PDGFC: variants seen among roughly 807,000 people sequenced by gnomAD.
The protein encoded by PDGFC is platelet-derived growth factor C.
Under a neutral mutation model 35.5 loss-of-function variants are expected in PDGFC, and 12 were observed. The observed-to-expected ratio is 0.34, with a 90% confidence interval of 0.22 to 0.55. PDGFC has a LOEUF of 0.55. Ranked by LOEUF, PDGFC falls within the 20% of genes least tolerant of loss-of-function variation. The pLI is 0.91. For synonymous variants in PDGFC, 159 were observed against 148.8 expected (o/e 1.07, Z -0.50); for missense variants, 322 against 412.4 (o/e 0.78, Z 1.90).
rs1553965210 is a variant in PDGFC, at chr4:156,793,564, A to AT, written c.495+17272_495+17273insA. On this transcript the variant is annotated intron_variant, in intron 3 of 5. Coordinates refer to ENST00000502773, the MANE Select transcript of PDGFC (RefSeq NM_016205.3). ...ATATATATATATATATATATATATA[A>AT]AACACTTTAAAATGTTATATGTGTG... Among the ~76,000 whole-genome samples, 873 of 117,784 alleles carry AT rather than the reference A, an allele frequency of 7.4e-3. 6 individuals are homozygous for AT. The highest frequency in any genetic ancestry group is 0.051 in the South Asian group (181 of 3,546). The allele number at this position is 117,784 out of a possible 152,430, so 77.3% of individuals were successfully genotyped here. A position where few individuals can be genotyped will look rare whatever the true frequency, so the allele number is the denominator to read the frequency against.
rs147882401 is a variant in PDGFC, at chr4:156,940,930, G to A, written c.118+29856C>T. Among the ~76,000 whole-genome samples, 532 of 152,200 alleles carry A rather than the reference G, an allele frequency of 3.5e-3. 4 individuals are homozygous for A. Among genetic ancestry groups the A allele is most frequent in the African/African-American group, 0.012 (500 of 41,556 alleles). ...AATATTTTTTCATAAATATGTTAAT[G>A]TGTTTATCCTTGCCATTTCTAAATG... On this transcript the variant is annotated intron_variant, in intron 1 of 5. Transcript: ENST00000502773.
At chr4:156,880,962 A>T (rs1174000336) in intron 1 of PDGFC, among the ~76,000 whole-genome samples, 1 of 152,224 alleles carries the variant, frequency 6.6e-6, no homozygotes, top group South Asian at 2.1e-4. Flanking sequence ...TTTGAGTATT[A>T]CATAAAGTTA....
chr4:156,878,006 T>C (rs111575656), intron 1 of PDGFC, among the ~76,000 whole-genome samples: 1 of 152,336 alleles, frequency 6.6e-6, no homozygotes, highest in African/African-American at 2.4e-5. Flanking sequence ...TGCTGTTTCT[T>C]GTTTGCCTCC....
Position 156,761,531 on chromosome 4 carries a change from G to A in PDGFC, c.*1559C>T, listed in dbSNP as rs1323260696. ...GTCTTTTGAATTGACATATGCTTTT[G>A]CTAAATGAAAATCATAACAGAAAAT... On this transcript the variant is annotated 3_prime_UTR_variant, in exon 6 of 6. Transcript: ENST00000502773. The A allele has an allele frequency of 2.0e-5, 3 of 152,192 alleles. No individual in the cohort carries two copies. Among genetic ancestry groups the A allele is most frequent in the Non-Finnish European group, 4.4e-5 (3 of 68,020 alleles). The allele number at this position is 152,192 out of a possible 1,614,324, so 9.4% of individuals were successfully genotyped here. A position where few individuals can be genotyped will look rare whatever the true frequency, so the allele number is the denominator to read the frequency against.
intron 1 of PDGFC, among the ~76,000 whole-genome samples, chr4:156,898,924 T>C: frequency 6.6e-6 from 1 of 152,260 alleles, no homozygotes; most frequent in East Asian, 1.9e-4. Context: ...CCCAGTGTGC[T>C]GGGATTACAG....
intron 1 of PDGFC, among the ~76,000 whole-genome samples, chr4:156,928,833 G>T (rs1168173505): frequency 6.6e-6 from 1 of 152,038 alleles, no homozygotes; most frequent in African/African-American, 2.4e-5. Flanking sequence ...TTCTCATATT[G>T]GTTATCCTAA....
At position 156,971,408 on chromosome 4, in the gene PDGFC, G is replaced by GCCCCACC. The variant is rs1309327456; in HGVS notation, c.-512_-506dup. On this transcript the variant is annotated 5_prime_UTR_variant, in exon 1 of 6. Transcript: ENST00000502773. ...GGCTCTCCGGGCGCCCCTCTCCCCC[G>GCCCCACC]CCCCACCCCCCACCCCCGAAGGGGG... 6 of 300,840 alleles carry GCCCCACC rather than the reference G, an allele frequency of 2.0e-5. No individual in the cohort carries two copies. The highest frequency in any genetic ancestry group is 3.6e-5 in the Non-Finnish European group (6 of 166,418). 18.6% of individuals were successfully genotyped at this position (300,840 alleles called of 1,614,324 possible).
chr4:156,800,186 C>A (rs1018282915), intron 3 of PDGFC, among the ~76,000 whole-genome samples: 3 of 151,918 alleles, frequency 2.0e-5, no homozygotes, highest in Non-Finnish European at 4.4e-5. Flanking sequence ...TTTTTAAAAC[C>A]ACCATAAGGC....
intron 3 of PDGFC, among the ~76,000 whole-genome samples, chr4:156,777,166 T>G (rs1384808896): frequency 1.3e-5 from 2 of 152,104 alleles, no homozygotes; most frequent in African/African-American, 4.8e-5. Flanking sequence ...TGAGAGTACA[T>G]GAAGTTTACC....
chr4:156,819,790 G>A (rs561039981), intron 2 of PDGFC, among the ~76,000 whole-genome samples: 1 of 152,194 alleles, frequency 6.6e-6, no homozygotes, highest in African/African-American at 2.4e-5. Flanking sequence ...GGTAATAGCT[G>A]CCATGGATAG....
intron 3 of PDGFC, among the ~76,000 whole-genome samples, chr4:156,785,434 G>A (rs527512700): frequency 1.4e-4 from 22 of 152,136 alleles, no homozygotes; most frequent in South Asian, 4.2e-4. Flanking sequence ...GGCTAGTCTC[G>A]AGCTCCTGAC....
Position 156,816,143 on chromosome 4 carries a change from G to A in PDGFC, c.315-5126C>T, listed in dbSNP as rs1249892222. On this transcript the variant is annotated intron_variant, in intron 2 of 5. Transcript: ENST00000502773. ...GCTTCTTTCAGCAAAAATAAACCAA[G>A]CCTGCAAAACAGGCTGTTTCTAGTT... Among the ~76,000 whole-genome samples, 4 of 152,196 alleles carry A rather than the reference G, an allele frequency of 2.6e-5. No individual in the cohort carries two copies. The East Asian group carries it at 7.7e-4, about 29-fold the overall frequency.
intron 1 of PDGFC, among the ~76,000 whole-genome samples, chr4:156,947,283 C>T (rs1381293381): frequency 6.6e-6 from 1 of 151,948 alleles, no homozygotes; most frequent in African/African-American, 2.4e-5. Flanking sequence ...CTGCAGGTTA[C>T]ACAGAGGGTT....
At chr4:156,850,150 A>T (rs1729418070) in intron 2 of PDGFC, 71 bp downstream of exon 2, 4 of 765,250 alleles carry the variant, frequency 5.2e-6, no homozygotes, top group Non-Finnish European at 6.0e-6. Flanking sequence ...AAATCAGATC[A>T]TCAAAATTAA....
intron 1 of PDGFC, among the ~76,000 whole-genome samples, chr4:156,910,665 T>C (rs1479427419): frequency 2.0e-5 from 3 of 152,168 alleles, no homozygotes; most frequent in Non-Finnish European, 4.4e-5. Flanking sequence ...CAGTGACATA[T>C]GGGAGATCCA....
At chr4:156,913,636 C>T (rs1337034349) in intron 1 of PDGFC, among the ~76,000 whole-genome samples, 2 of 151,922 alleles carry the variant, frequency 1.3e-5, no homozygotes, top group African/African-American at 4.8e-5. Flanking sequence ...CCTAAGACCC[C>T]AATAAACACC....
chr4:156,962,711 A>G (rs892969599), intron 1 of PDGFC, among the ~76,000 whole-genome samples: 1 of 152,172 alleles, frequency 6.6e-6, no homozygotes, highest in African/African-American at 2.4e-5. Flanking sequence ...ACCAAGGTCC[A>G]AACATCTACC....
intron 3 of PDGFC, among the ~76,000 whole-genome samples, chr4:156,796,763 T>A (rs1731453430): frequency 6.6e-6 from 1 of 152,262 alleles, no homozygotes; most frequent in African/African-American, 2.4e-5. Context: ...AGGAACCCAA[T>A]ATAATAGTAA....
intron 1 of PDGFC, among the ~76,000 whole-genome samples, chr4:156,915,421 G>A (rs989606331): frequency 1.3e-5 from 2 of 151,898 alleles, no homozygotes; most frequent in Admixed American, 1.3e-4. Flanking sequence ...TCAAAAGGGG[G>A]AAATGCAACT....
Sources: gnomAD v4.1 joint callset for allele counts (sites outside exome capture counted in the v4.1 genomes callset) on GRCh38, gnomAD v4.1.1 for gene constraint, MANE v1.5 for transcripts, NCBI Gene and HGNC (gene_info 2026-07-23, HGNC 2026-07-21) for gene names.